Variants in ASCC3 observed in about 807,000 individuals in gnomAD.
The protein encoded by ASCC3 is activating signal cointegrator 1 complex subunit 3.
In ASCC3, 158 loss-of-function variants were observed where a neutral mutation model predicts 256.3. That is an observed-to-expected ratio of 0.62 (90% CI 0.54 to 0.70). The LOEUF (loss-of-function observed/expected upper bound fraction) is 0.70. Among genes scored for constraint, ASCC3 ranks in the 30% least tolerant of loss-of-function variants. ASCC3 has a pLI of 0.00. For synonymous variants in ASCC3, 948 were observed against 883.4 expected, an observed-to-expected ratio of 1.07 and a Z score of -1.30; for missense variants, 2,259 against 2,626.0, an observed-to-expected ratio of 0.86 and a Z score of 3.05.
chr6:100,839,949 G>A (rs1194234497), intron 4 of ASCC3, among the ~76,000 whole-genome samples: 3 of 152,158 alleles, frequency 2.0e-5, no homozygotes, highest in African/African-American at 7.2e-5. Context: ...AAACTTCAAA[G>A]ATCTGTAATA....
intron 34 of ASCC3, among the ~76,000 whole-genome samples, chr6:100,591,553 C>G (rs1342098326): frequency 6.6e-6 from 1 of 151,876 alleles, no homozygotes; most frequent in Non-Finnish European, 1.5e-5. Flanking sequence ...TTTCTAAATT[C>G]AAAACACTAG....
intron 4 of ASCC3, among the ~76,000 whole-genome samples, chr6:100,810,465 A>G (rs1353041400): frequency 6.6e-6 from 1 of 152,194 alleles, no homozygotes; most frequent in Non-Finnish European, 1.5e-5. Context: ...GGCAAGTGCT[A>G]ATTAATTAAG....
At chr6:100,685,551 A>C (rs1274129919) in intron 13 of ASCC3, among the ~76,000 whole-genome samples, 4 of 152,234 alleles carry the variant, frequency 2.6e-5, no homozygotes, top group Non-Finnish European at 5.9e-5. Context: ...GATGCAAGTT[A>C]AAATAGGAGA....
chr6:100,803,167 G>A (rs1217146206), intron 5 of ASCC3, among the ~76,000 whole-genome samples: 1 of 151,596 alleles, frequency 6.6e-6, no homozygotes, highest in Admixed American at 6.6e-5. Flanking sequence ...CATAAACCTT[G>A]CTGGCTTAGT....
At chr6:100,521,624 A>C (rs1164898113) in intron 37 of ASCC3, among the ~76,000 whole-genome samples, 1 of 152,176 alleles carries the variant, frequency 6.6e-6, no homozygotes, top group Non-Finnish European at 1.5e-5. Flanking sequence ...CTATGTTCTA[A>C]GGATAAGGGG....
At chr6:100,777,829 C>T (rs115788346) in intron 8 of ASCC3, among the ~76,000 whole-genome samples, 5 of 152,144 alleles carry the variant, frequency 3.3e-5, no homozygotes, top group African/African-American at 7.2e-5. Context: ...ATAGCAAAGA[C>T]GTTGGATTTT....
chr6:100,725,677 C>T lies in ASCC3; in HGVS notation c.1764G>A (p.Trp588Ter), dbSNP rs1381769966. ...TQMLVTTPEK[W>*]DVVTRKSVGD... is the part of the protein sequence containing the mutation. ...CAACACTCTTTCTTGTCACTACATC[C>T]CATTTTTCTGGTGTGGTCACAAGCA... The change falls in exon 11 of 42, where the codon TGG (tryptophan) becomes TGA (stop). Residue 588 changes from tryptophan (W) to a stop codon, truncating the protein, a stop_gained. Coordinates refer to ENST00000369162, the MANE Select transcript of ASCC3 (RefSeq NM_006828.4). LOFTEE classifies it high-confidence loss of function. 6.2e-7 allele frequency: 1 copy of T among 1,612,514 alleles called. No homozygotes were observed. Among genetic ancestry groups the T allele is most frequent in the South Asian group, 1.1e-5 (1 of 91,040 alleles).
At position 100,566,154 on chromosome 6, in the gene ASCC3, T is replaced by C. The variant is rs139965635; in HGVS notation, c.5550+23480A>G. Among the ~76,000 whole-genome samples the C allele has an allele frequency of 4.7e-4, 72 of 152,256 alleles. 3 individuals carry two copies. In the East Asian group the frequency reaches 0.013, roughly 27 times the overall value. ...CCTGTCTAGAGTAAGGTCAGATATG[T>C]TCCAACATGTGTCCCTTAAATATGT... On this transcript the variant is annotated intron_variant, in intron 36 of 41. Coordinates refer to ENST00000369162, the MANE Select transcript of ASCC3 (RefSeq NM_006828.4).
chr6:100,546,546 T>G (rs1293762514), intron 36 of ASCC3, among the ~76,000 whole-genome samples: 2 of 152,154 alleles, frequency 1.3e-5, no homozygotes, highest in African/African-American at 2.4e-5. Flanking sequence ...CGTGCTTGCA[T>G]GTAGGACAAC....
chr6:100,622,315 T>A (rs1338253352), intron 30 of ASCC3, among the ~76,000 whole-genome samples: 2 of 152,112 alleles, frequency 1.3e-5, no homozygotes, highest in Middle Eastern at 3.2e-3. Flanking sequence ...GTTTCCCCGA[T>A]GCTGTTGTCA....
At chr6:100,570,627 A>G (rs1463212098) in intron 36 of ASCC3, among the ~76,000 whole-genome samples, 1 of 151,950 alleles carries the variant, frequency 6.6e-6, no homozygotes, top group African/African-American at 2.4e-5. Flanking sequence ...TCAGAGCTCA[A>G]CCTTTAGACC....
intron 30 of ASCC3, among the ~76,000 whole-genome samples, chr6:100,622,371 C>T (rs964604462): frequency 1.3e-5 from 2 of 152,130 alleles, no homozygotes; most frequent in South Asian, 2.1e-4. Flanking sequence ...ATACCGGGCT[C>T]TTCCCCTTTT....
intron 34 of ASCC3, 125 bp downstream of exon 34, chr6:100,601,685 T>G: frequency 9.1e-7 from 1 of 1,096,870 alleles, no homozygotes; most frequent in Admixed American, 2.1e-5. Context: ...TTTAGACAAA[T>G]TCATATACCT....
At chr6:100,878,532 G>C (rs1769101175) in intron 1 of ASCC3, among the ~76,000 whole-genome samples, 3 of 152,120 alleles carry the variant, frequency 2.0e-5, no homozygotes, top group African/African-American at 4.8e-5. Flanking sequence ...GAAAATTCCA[G>C]AATATCCCAC....
At chr6:100,613,730 T>C (rs537408741) in intron 30 of ASCC3, among the ~76,000 whole-genome samples, 37 of 152,270 alleles carry the variant, frequency 2.4e-4, no homozygotes, top group South Asian at 8.3e-4. Flanking sequence ...TAATTCTATT[T>C]TTAGTTTTCT....
intron 4 of ASCC3, among the ~76,000 whole-genome samples, chr6:100,820,821 A>G (rs1434470187): frequency 6.6e-6 from 1 of 152,164 alleles, no homozygotes; most frequent in Middle Eastern, 3.2e-3. Context: ...AAATGAGCAA[A>G]TGATCTGAAT....
At chr6:100,571,959 G>A (rs1770612782) in intron 36 of ASCC3, among the ~76,000 whole-genome samples, 1 of 152,250 alleles carries the variant, frequency 6.6e-6, no homozygotes, top group Admixed American at 6.5e-5. Context: ...AATGTGATGT[G>A]GCAATATACA....
At chr6:100,674,298 A>G (rs1448709064) in intron 14 of ASCC3, among the ~76,000 whole-genome samples, 1 of 151,902 alleles carries the variant, frequency 6.6e-6, no homozygotes, top group Admixed American at 6.6e-5. Flanking sequence ...TTTTTCATCC[A>G]AAGTTTGTTT....
chr6:100,690,100 T>G (rs1777772662), intron 13 of ASCC3, among the ~76,000 whole-genome samples: 1 of 152,146 alleles, frequency 6.6e-6, no homozygotes, highest in Admixed American at 6.6e-5. Flanking sequence ...GAACCCCTTG[T>G]GGATACCAAA....
Sources: gnomAD v4.1 joint callset for allele counts (sites outside exome capture counted in the v4.1 genomes callset) on GRCh38, gnomAD v4.1.1 for gene constraint, MANE v1.5 for transcripts, NCBI Gene and HGNC (gene_info 2026-07-23, HGNC 2026-07-21) for gene names.